Variants in ILRUN observed in about 807,000 individuals in gnomAD.
ILRUN encodes the protein inflammation and lipid regulator with UBA-like and NBR1-like domains.
Under a neutral mutation model 33.8 loss-of-function variants are expected in ILRUN, and 3 were observed. The ratio of observed to expected loss-of-function variants is 0.09; its 90% CI spans 0.04 to 0.23. ILRUN has a LOEUF of 0.23. Among genes scored for constraint, ILRUN ranks in the 10% least tolerant of loss-of-function variants. The pLI is 1.00. For missense variants in ILRUN, 210 were observed against 375.1 expected (o/e 0.56, Z 3.64); for synonymous variants, 124 against 138.9 (o/e 0.89, Z 0.75).
At chr6:34,606,529 C>T in intron 4 of ILRUN, 26 bp downstream of exon 4, 2 of 1,588,224 alleles carry the variant, frequency 1.3e-6, no homozygotes, top group Non-Finnish European at 1.7e-6. Flanking sequence ...CACCACCTAC[C>T]CCTTCTCTTC....
Position 34,588,079 on chromosome 6 carries a change from G to A in ILRUN, c.*2486C>T, listed in dbSNP as rs1408897621. ...ATTGCTCTGAACCCATACCAGTGAG[G>A]GGAGAGAGAATGAATGATACTGATA... On this transcript the variant is annotated 3_prime_UTR_variant, in exon 5 of 5. Transcript: ENST00000374023. 3 of 398,594 alleles carry A rather than the reference G, an allele frequency of 7.5e-6. No homozygotes were observed. The highest frequency in any genetic ancestry group is 6.2e-5 in the African/African-American group (3 of 48,646). The allele number at this position is 398,594 out of a possible 1,614,324, so 24.7% of individuals were successfully genotyped here.
rs148908492 is a variant in ILRUN at position 34,606,734 on chromosome 6, T to C, written c.682A>G (p.Lys228Glu). The C allele has an allele frequency of 1.9e-6, 3 of 1,614,002 alleles. No homozygotes were observed. The highest frequency in any genetic ancestry group is 2.7e-5 in the African/African-American group (2 of 74,916). The change falls in exon 4 of 5, where the codon AAA becomes GAA. Residue 228 changes from lysine (K) to glutamate (E), a missense_variant. Transcript: ENST00000374023. The stretch of plus-strand genomic sequence containing the variant: ...TCGAACTCGGAGCCCCCAGGGTCTT[T>C]TAAGTTGTTTTCATCTGATTGTCGG... ...KNRQSDENNL[K>E]DPGGSEFDSI...
At chr6:34,591,946 T>A (rs1469669118) in intron 4 of ILRUN, among the ~76,000 whole-genome samples, 1 of 152,226 alleles carries the variant, frequency 6.6e-6, no homozygotes, top group Admixed American at 6.5e-5. Context: ...CTTTCTATGC[T>A]GCTTGGCTGA....
Position 34,678,836 on chromosome 6 carries a change from CAAAAAAAAAA to C in ILRUN, c.158+17600_158+17609del, listed in dbSNP as rs767799882. Reference sequence around the variant, plus strand: ...CGCCACTGTACTCCAGACTCCGTCTCAAAAAAAAAAAAAAAAAAAAAAAGAAAGAAAGAAA... The same window carrying C: ...CGCCACTGTACTCCAGACTCCGTCTCAAAAAAAAAAAAAGAAAGAAAGAAA... On this transcript the variant is annotated intron_variant, in intron 1 of 4. Coordinates refer to ENST00000374023, the MANE Select transcript of ILRUN (RefSeq NM_024294.4). Among the ~76,000 whole-genome samples the C allele has an allele frequency of 3.3e-4, 16 of 47,882 alleles. No homozygotes were observed. In the East Asian group the frequency reaches 7.2e-3, roughly 22 times the overall value. The allele number at this position is 47,882 out of a possible 152,430, so 31.4% of individuals were successfully genotyped here. A position where few individuals can be genotyped will look rare whatever the true frequency, so the allele number is the denominator to read the frequency against.
intron 1 of ILRUN, 48 bp from the exon 2 acceptor site, chr6:34,654,827 T>C (rs1762738266): frequency 2.0e-6 from 3 of 1,523,250 alleles, no homozygotes; most frequent in Non-Finnish European, 2.6e-6. Context: ...GTCCAGATAT[T>C]ATCCTAATTG....
In ILRUN at chr6:34,696,669, G is replaced by C. The variant is rs1042680971; in HGVS notation, c.-66C>G. The C allele has an allele frequency of 1.3e-6, 2 of 1,548,342 alleles. No individual in the cohort carries two copies. Among genetic ancestry groups the C allele is most frequent in the Non-Finnish European group, 1.7e-6 (2 of 1,149,254 alleles). On this transcript the variant is annotated 5_prime_UTR_variant, in exon 1 of 5. Coordinates refer to ENST00000374023, the MANE Select transcript of ILRUN (RefSeq NM_024294.4). ...AAGCCGCCGCCGCGCCGCCGGGCCC[G>C]GGGACCTGGAGGGGGGCCGCTGCTA...
chr6:34,687,698 CAA>C (rs35852723), intron 1 of ILRUN, among the ~76,000 whole-genome samples: 1 of 125,090 alleles, frequency 8.0e-6, no homozygotes, highest in Non-Finnish European at 1.6e-5. Context: ...ACTCCATCTC[CAA>C]AAAAAAAAAT....
intron 1 of ILRUN, among the ~76,000 whole-genome samples, chr6:34,673,427 G>A (rs1299229828): frequency 6.6e-6 from 1 of 152,108 alleles, no homozygotes; most frequent in Non-Finnish European, 1.5e-5. Flanking sequence ...TAAGGAGTTT[G>A]AGGATAGTAA....
intron 3 of ILRUN, among the ~76,000 whole-genome samples, chr6:34,641,535 C>G (rs1480761335): frequency 6.6e-6 from 1 of 152,156 alleles, no homozygotes; most frequent in Non-Finnish European, 1.5e-5. Flanking sequence ...AAAACATAAG[C>G]CAAGGAGGCC....
chr6:34,593,984 C>G (rs1761345559), intron 4 of ILRUN, among the ~76,000 whole-genome samples: 1 of 152,112 alleles, frequency 6.6e-6, no homozygotes, highest in African/African-American at 2.4e-5. Context: ...AACCGGGAGG[C>G]CCATCCACAT....
chr6:34,662,425 T>C (rs1762909008), intron 1 of ILRUN, among the ~76,000 whole-genome samples: 1 of 152,134 alleles, frequency 6.6e-6, no homozygotes, highest in African/African-American at 2.4e-5. Flanking sequence ...CTGAAAGCAG[T>C]TCTAAAAAAG....
chr6:34,693,375 GAC>G (rs1335119240), intron 1 of ILRUN, among the ~76,000 whole-genome samples: 3 of 151,832 alleles, frequency 2.0e-5, no homozygotes, highest in African/African-American at 7.3e-5. Context: ...TTTTTTTCCA[GAC>G]AGAGTCTTAT....
chr6:34,602,388 A>G (rs947079337), intron 4 of ILRUN, among the ~76,000 whole-genome samples: 1 of 152,212 alleles, frequency 6.6e-6, no homozygotes, highest in African/African-American at 2.4e-5. Context: ...GGCATATAAG[A>G]AAAAGGCATA....
rs985939505 is a variant in ILRUN at position 34,659,618 on chromosome 6, C to CTTT, written c.159-4842_159-4840dup. Among the ~76,000 whole-genome samples the CTTT allele has an allele frequency of 8.1e-4, 74 of 91,442 alleles. 2 individuals are homozygous for CTTT. The highest frequency in any genetic ancestry group is 2.5e-3 in the African/African-American group (55 of 21,666). 60.0% of individuals were successfully genotyped at this position (91,442 alleles called of 152,430 possible). ...TGTATATATACATACATAAGGCAGT[C>CTTT]TTTTTTTTTTTTTTTTTTTTTTTTA... is the stretch of plus-strand genomic sequence containing the variant. On this transcript the variant is annotated intron_variant, in intron 1 of 4. Transcript: ENST00000374023.
intron 1 of ILRUN, among the ~76,000 whole-genome samples, chr6:34,690,664 AC>A (rs1224953961): frequency 6.6e-6 from 1 of 152,074 alleles, no homozygotes; most frequent in Non-Finnish European, 1.5e-5. Context: ...ATAGTTGAAA[AC>A]TTTTAGTAAT....
At chr6:34,676,032 T>C (rs894325050) in intron 1 of ILRUN, among the ~76,000 whole-genome samples, 1 of 152,150 alleles carries the variant, frequency 6.6e-6, no homozygotes. Context: ...GGACATCCAA[T>C]GCATCCAGTC....
At chr6:34,639,328 G>A (rs1043978792) in intron 3 of ILRUN, among the ~76,000 whole-genome samples, 21 of 152,178 alleles carry the variant, frequency 1.4e-4, no homozygotes, top group African/African-American at 4.3e-4. Flanking sequence ...CCATAAGTGC[G>A]AGATAATCAG....
chr6:34,660,307 A>T (rs570316260), intron 1 of ILRUN, among the ~76,000 whole-genome samples: 2 of 152,226 alleles, frequency 1.3e-5, no homozygotes, highest in African/African-American at 2.4e-5. Context: ...TCAAAAAAAT[A>T]AATAAATTTA....
intron 4 of ILRUN, among the ~76,000 whole-genome samples, chr6:34,600,665 T>G (rs182863934): frequency 6.6e-6 from 1 of 152,216 alleles, no homozygotes; most frequent in African/African-American, 2.4e-5. Context: ...CAAGTGACTA[T>G]GAAGGTTTCT....
Sources: gnomAD v4.1 joint callset for allele counts (sites outside exome capture counted in the v4.1 genomes callset) on GRCh38, gnomAD v4.1.1 for gene constraint, MANE v1.5 for transcripts, NCBI Gene and HGNC (gene_info 2026-07-23, HGNC 2026-07-21) for gene names.